Variants in CCDC60 observed in about 807,000 individuals in gnomAD.
CCDC60 encodes coiled-coil domain containing 60, also known as coiled-coil domain-containing protein 60.
Under a neutral mutation model 63.5 loss-of-function variants are expected in CCDC60, and 54 were observed. The observed-to-expected ratio is 0.85, with a 90% CI of 0.68 to 1.07. CCDC60 has a LOEUF of 1.07. CCDC60 is among the 50% of genes least tolerant of loss of function. CCDC60 has a pLI of 0.00. For synonymous variants in CCDC60, 206 were observed against 238.8 expected, an observed-to-expected ratio of 0.86 and a Z score of 1.27; for missense variants, 651 against 684.3, an observed-to-expected ratio of 0.95 and a Z score of 0.54.
chr12:119,521,825 C>G (rs1225036144), intron 9 of CCDC60, among the ~76,000 whole-genome samples: 1 of 152,202 alleles, frequency 6.6e-6, no homozygotes, highest in African/African-American at 2.4e-5. Flanking sequence ...CATGCTCCCC[C>G]AAAGGATTCA....
intron 2 of CCDC60, among the ~76,000 whole-genome samples, chr12:119,441,860 CT>C (rs990765706): frequency 2.0e-5 from 3 of 151,440 alleles, no homozygotes; most frequent in Non-Finnish European, 1.5e-5. Context: ...CACTCTTATA[CT>C]TTTTTTTTGC....
chr12:119,485,676 A>T (rs914156578), intron 4 of CCDC60, among the ~76,000 whole-genome samples: 5 of 151,918 alleles, frequency 3.3e-5, no homozygotes, highest in Non-Finnish European at 7.4e-5. Flanking sequence ...ATTAGGGACC[A>T]CCCTAATGGC....
intron 2 of CCDC60, among the ~76,000 whole-genome samples, chr12:119,451,199 A>C (rs918927101): frequency 2.0e-5 from 3 of 152,258 alleles, no homozygotes; most frequent in African/African-American, 7.2e-5. Context: ...CAAGATGTAC[A>C]TCTGCACCTT....
intron 1 of CCDC60, chr12:119,388,151 C>T (rs999910191): frequency 2.0e-5 from 3 of 152,154 alleles, no homozygotes; most frequent in Admixed American, 6.5e-5. Context: ...AATGCCTCCC[C>T]CAGAGATCAC....
intron 1 of CCDC60, among the ~76,000 whole-genome samples, chr12:119,344,855 TCACACACACACACACACACACA>T (rs1199779284): frequency 8.7e-6 from 1 of 114,798 alleles, no homozygotes; most frequent in Non-Finnish European, 1.7e-5. Flanking sequence ...TCTCTCTCTC[TCACACACACACACACACACACA>T]CACACACACA....
At chr12:119,469,087 C>A (rs1232465241) in intron 2 of CCDC60, among the ~76,000 whole-genome samples, 5 of 152,116 alleles carry the variant, frequency 3.3e-5, no homozygotes, top group African/African-American at 4.8e-5. Flanking sequence ...ATTCCTCAAA[C>A]TTCTTCACAT....
intron 1 of CCDC60, among the ~76,000 whole-genome samples, chr12:119,423,370 G>A (rs1593066239): frequency 1.3e-5 from 2 of 152,294 alleles, no homozygotes; most frequent in South Asian, 2.1e-4. Context: ...ATTTGCATAA[G>A]GTGTACCCAT....
chr12:119,531,414 C>G (rs1054852807), intron 13 of CCDC60, among the ~76,000 whole-genome samples: 2 of 152,198 alleles, frequency 1.3e-5, no homozygotes, highest in Non-Finnish European at 2.9e-5. Context: ...GGTTTCAAGT[C>G]AATCTGCCAA....
At chr12:119,523,986 C>T (rs1952607085) in intron 11 of CCDC60, among the ~76,000 whole-genome samples, 168 bp downstream of exon 11, 1 of 152,158 alleles carries the variant, frequency 6.6e-6, no homozygotes, top group Non-Finnish European at 1.5e-5. Flanking sequence ...AAAATAACTG[C>T]ATCCATAAAT....
At chr12:119,415,083 G>A (rs899934568) in intron 1 of CCDC60, among the ~76,000 whole-genome samples, 7 of 152,136 alleles carry the variant, frequency 4.6e-5, no homozygotes, top group Non-Finnish European at 5.9e-5. Flanking sequence ...TGTCAGTTTC[G>A]GTGACTTAGC....
At chr12:119,538,905 C>T (rs1341456307) in intron 13 of CCDC60, among the ~76,000 whole-genome samples, 1 of 152,200 alleles carries the variant, frequency 6.6e-6, no homozygotes, top group Non-Finnish European at 1.5e-5. Context: ...GATGTTGATG[C>T]TATTCCTTTC....
intron 1 of CCDC60, among the ~76,000 whole-genome samples, chr12:119,362,926 C>A (rs1176288037): frequency 2.0e-5 from 3 of 152,110 alleles, no homozygotes; most frequent in Non-Finnish European, 4.4e-5. Flanking sequence ...TGGCAAAACC[C>A]CATCTCTACT....
chr12:119,371,478 G>A (rs868006704), intron 1 of CCDC60, among the ~76,000 whole-genome samples: 2 of 152,166 alleles, frequency 1.3e-5, no homozygotes, highest in Non-Finnish European at 2.9e-5. Context: ...GTGAATGAAT[G>A]ACTCGGTCTG....
Position 119,420,103 on chromosome 12 carries a change from C to G in CCDC60, c.91-8580C>G, listed in dbSNP as rs976317791. Among the ~76,000 whole-genome samples the G allele has an allele frequency of 5.9e-5, 9 of 152,018 alleles. No homozygotes were observed. The highest frequency in any genetic ancestry group is 1.9e-4 in the African/African-American group (8 of 41,400). On this transcript the variant is annotated intron_variant, in intron 1 of 13. Coordinates refer to ENST00000327554, the MANE Select transcript of CCDC60 (RefSeq NM_178499.5). The surrounding 1 kb of genome is among the most constrained non-coding windows in gnomAD (Gnocchi z 4.1). ...GTGTTAGCCGGGATGGTCTCGAACT[C>G]CTGACCTCGTGATCCACCCGCCTCG...
intron 11 of CCDC60, among the ~76,000 whole-genome samples, chr12:119,527,376 C>T (rs994346605): frequency 6.6e-6 from 1 of 152,096 alleles, no homozygotes; most frequent in Non-Finnish European, 1.5e-5. Flanking sequence ...ACATGTTTAT[C>T]TATGTAACAA....
At position 119,510,697 on chromosome 12, in the gene CCDC60, C is replaced by A. The variant is rs534502722; in HGVS notation, c.883+5394C>A. ...TAGATCATCAGGAATCCTACTTCCC[C>A]CACTTTCTTCTGTGTCATCCTTAAC... On this transcript the variant is annotated intron_variant, in intron 7 of 13. Coordinates refer to ENST00000327554, the MANE Select transcript of CCDC60 (RefSeq NM_178499.5). 4.6e-5 allele frequency among the ~76,000 whole-genome samples: 7 copies of A among 152,268 alleles called. No homozygotes were observed. In the South Asian group the frequency reaches 1.5e-3, roughly 32 times the overall value.
At chr12:119,369,481 T>C (rs749397543) in intron 1 of CCDC60, among the ~76,000 whole-genome samples, 4 of 152,172 alleles carry the variant, frequency 2.6e-5, no homozygotes, top group Non-Finnish European at 4.4e-5. Context: ...TGCAGAACTT[T>C]AAAGCCCACT....
intron 1 of CCDC60, among the ~76,000 whole-genome samples, chr12:119,422,470 C>T (rs537238348): frequency 6.6e-6 from 1 of 152,118 alleles, no homozygotes; most frequent in African/African-American, 2.4e-5. Context: ...CCTGGGGAGG[C>T]CTCAGGGAGC....
At position 119,413,459 on chromosome 12, in the gene CCDC60, C is replaced by T. The variant is rs536562282; in HGVS notation, c.91-15224C>T. Among the ~76,000 whole-genome samples, 19 of 152,320 alleles carry T rather than the reference C, an allele frequency of 1.2e-4. No individual in the cohort carries two copies. In the South Asian group the frequency reaches 2.9e-3, roughly 23 times the overall value. On this transcript the variant is annotated intron_variant, in intron 1 of 13. Transcript: ENST00000327554. ...TAAGGCATCGCGGGGGGAACATTTT[C>T]GTGATCTCACACAAGTTATATTTTT...
Sources: gnomAD v4.1 joint callset for allele counts (sites outside exome capture counted in the v4.1 genomes callset) on GRCh38, gnomAD v4.1.1 for gene constraint, Gnocchi (gnomAD v3.1) non-coding constraint, MANE v1.5 for transcripts, NCBI Gene and HGNC (gene_info 2026-07-23, HGNC 2026-07-21) for gene names.